The following ENTPD3 variants were observed in gnomAD, a reference collection of about 807,000 sequenced individuals.
ENTPD3 encodes CD39 antigen-like 3.
Under a neutral mutation model 51.2 loss-of-function variants are expected in ENTPD3, and 60 were observed. That is an observed-to-expected ratio of 1.17 (90% CI 0.95 to 1.45). The LOEUF (loss-of-function observed/expected upper bound fraction) is 1.45. Among genes scored for constraint, ENTPD3 ranks in the 40% most tolerant of loss-of-function variants. The pLI, the probability that ENTPD3 is intolerant of heterozygous loss-of-function variation, is 0.00. For missense variants in ENTPD3, 593 were observed against 641.1 expected (o/e 0.93, Z 0.81); for synonymous variants, 221 against 238.4 (o/e 0.93, Z 0.67).
chr3:40,412,787 T>C (rs1272641121), intron 5 of ENTPD3, among the ~76,000 whole-genome samples: 2 of 152,216 alleles, frequency 1.3e-5, no homozygotes, highest in Non-Finnish European at 2.9e-5. Flanking sequence ...AAAGAAATCA[T>C]GATGTGCTCT....
intron 4 of ENTPD3, among the ~76,000 whole-genome samples, chr3:40,408,964 A>G (rs1955565325): frequency 6.6e-6 from 1 of 152,108 alleles, no homozygotes; most frequent in Non-Finnish European, 1.5e-5. Context: ...TATATTAAAA[A>G]TTATTCATAC....
At chr3:40,402,251 C>G (rs757146303) in intron 4 of ENTPD3, among the ~76,000 whole-genome samples, 1 of 150,376 alleles carries the variant, frequency 6.6e-6, no homozygotes, top group Non-Finnish European at 1.5e-5. Context: ...CCCAAGTAGC[C>G]GGGATTACAG....
chr3:40,389,638 A>G (rs1433034779), intron 2 of ENTPD3, among the ~76,000 whole-genome samples: 1 of 152,192 alleles, frequency 6.6e-6, no homozygotes, highest in African/African-American at 2.4e-5. Flanking sequence ...TTAAGTGACC[A>G]ACTTTGACAC....
At chr3:40,427,047 T>G (rs772152199) in intron 10 of ENTPD3, among the ~76,000 whole-genome samples, 1 of 152,140 alleles carries the variant, frequency 6.6e-6, no homozygotes, top group Non-Finnish European at 1.5e-5. Context: ...GTGACAAGAT[T>G]GTGAGAATTT....
chr3:40,423,471 T>C, intron 9 of ENTPD3, 70 bp downstream of exon 9: 1 of 1,114,502 alleles, frequency 9.0e-7, no homozygotes, highest in Non-Finnish European at 1.3e-6. Flanking sequence ...TATGTGTGTG[T>C]ATTCTGAATT....
At chr3:40,391,751 A>C in intron 2 of ENTPD3, 1 of 476,850 alleles carries the variant, frequency 2.1e-6, no homozygotes, top group Non-Finnish European at 3.7e-6. Flanking sequence ...GATAACCAAA[A>C]TATCAGAAAA....
intron 5 of ENTPD3, 61 bp downstream of exon 5, chr3:40,412,023 C>G: frequency 6.8e-7 from 1 of 1,468,954 alleles, no homozygotes; most frequent in Non-Finnish European, 9.1e-7. Flanking sequence ...TATGTTGAAT[C>G]TTGCCAAGAA....
chr3:40,391,351 T>G (rs749843827), intron 2 of ENTPD3: 1 of 152,170 alleles, frequency 6.6e-6, no homozygotes, highest in Non-Finnish European at 1.5e-5. Flanking sequence ...CCTGGTTTAA[T>G]TTTTTAAAAA....
intron 5 of ENTPD3, among the ~76,000 whole-genome samples, chr3:40,412,281 A>C (rs1455353457): frequency 1.3e-5 from 2 of 152,206 alleles, no homozygotes; most frequent in Non-Finnish European, 2.9e-5. Context: ...GACAGTTGGC[A>C]TTTGACACCT....
At chr3:40,407,379 T>C (rs1423370604) in intron 4 of ENTPD3, among the ~76,000 whole-genome samples, 1 of 152,240 alleles carries the variant, frequency 6.6e-6, no homozygotes, top group Admixed American at 6.5e-5. Context: ...ACACTGACAT[T>C]TTAATTTCTT....
At chr3:40,412,369 A>G (rs1336484067) in intron 5 of ENTPD3, among the ~76,000 whole-genome samples, 1 of 152,164 alleles carries the variant, frequency 6.6e-6, no homozygotes, top group Non-Finnish European at 1.5e-5. Flanking sequence ...ATACCACTGA[A>G]ATCTGCTTTA....
chr3:40,394,095 T>C (rs1393501801), intron 3 of ENTPD3, among the ~76,000 whole-genome samples: 1 of 128,578 alleles, frequency 7.8e-6, no homozygotes, highest in Non-Finnish European at 1.6e-5. Flanking sequence ...CTAAGAGTAA[T>C]ATATTTTTTA....
chr3:40,391,469 G>A (rs896334621), intron 2 of ENTPD3: 18 of 151,928 alleles, frequency 1.2e-4, no homozygotes, highest in African/African-American at 3.9e-4. Flanking sequence ...TTGAGCCCAG[G>A]AGTTCGAGAC....
chr3:40,404,478 C>A (rs1012263750), intron 4 of ENTPD3, among the ~76,000 whole-genome samples: 3 of 152,124 alleles, frequency 2.0e-5, no homozygotes, highest in African/African-American at 7.2e-5. Context: ...GATGGCCTTA[C>A]AACTGTGGGG....
chr3:40,420,721 T>C (rs2125609534), intron 7 of ENTPD3, among the ~76,000 whole-genome samples: 1 of 152,240 alleles, frequency 6.6e-6, no homozygotes, highest in East Asian at 1.9e-4. Flanking sequence ...TGGGTTATAT[T>C]TGATGAATAT....
chr3:40,387,203 T>G lies in ENTPD3; in HGVS notation c.-71T>G, dbSNP rs948011107. 6.6e-6 allele frequency: 1 copy of G among 152,304 alleles called. No homozygotes were observed. The highest frequency in any genetic ancestry group is 6.5e-5 in the Admixed American group (1 of 15,292). The allele number at this position is 152,304 out of a possible 1,614,324, so 9.4% of individuals were successfully genotyped here. On this transcript the variant is annotated 5_prime_UTR_variant, in exon 1 of 11. Transcript: ENST00000301825. Reference sequence around the variant, plus strand: ...GTCTGAGCTGACACCTCCTTAGCGCTGGCCGCGGGCCGCCTCTGCGGCAGC... The same window carrying G: ...GTCTGAGCTGACACCTCCTTAGCGCGGGCCGCGGGCCGCCTCTGCGGCAGC...
intron 4 of ENTPD3, among the ~76,000 whole-genome samples, chr3:40,405,025 G>A (rs765943489): frequency 3.3e-5 from 5 of 152,122 alleles, no homozygotes; most frequent in East Asian, 1.9e-4. Context: ...CTCTGCATGC[G>A]TCTCATCTCA....
intron 4 of ENTPD3, among the ~76,000 whole-genome samples, chr3:40,403,631 G>A (rs900316152): frequency 6.6e-6 from 1 of 151,156 alleles, no homozygotes; most frequent in Non-Finnish European, 1.5e-5. Flanking sequence ...CACCACATAA[G>A]GGACTTGGAT....
In ENTPD3 at chr3:40,413,565, A is replaced by G. The variant is rs559888005; in HGVS notation, c.438-1116A>G. Among the ~76,000 whole-genome samples the G allele has an allele frequency of 2.4e-4, 37 of 152,236 alleles. No homozygotes were observed. The South Asian group carries it at 6.2e-3, about 26-fold the overall frequency. Reference sequence around the variant, plus strand: ...AAAAACAAAACAAACAAACAAACAAAACAGCTCTTAAGAAACTGACTTTTT... The same window carrying G: ...AAAAACAAAACAAACAAACAAACAAGACAGCTCTTAAGAAACTGACTTTTT... On this transcript the variant is annotated intron_variant, in intron 5 of 10. Coordinates refer to ENST00000301825, the MANE Select transcript of ENTPD3 (RefSeq NM_001248.4).
Sources: allele counts gnomAD v4.1 joint callset (sites outside exome capture counted in the v4.1 genomes callset), GRCh38; gene constraint gnomAD v4.1.1; transcripts MANE v1.5; gene names NCBI Gene and HGNC (gene_info 2026-07-23, HGNC 2026-07-21).